The following PCDH15 variants were observed in gnomAD, a reference collection of about 807,000 sequenced individuals.
The protein encoded by PCDH15 is protocadherin-15.
In PCDH15, 129 loss-of-function variants were observed where a neutral mutation model predicts 178.5. The observed-to-expected ratio is 0.72, with a 90% CI of 0.63 to 0.84. PCDH15 has a LOEUF of 0.84. PCDH15 is among the 40% of genes least tolerant of loss of function. The probability of loss-of-function intolerance (pLI) is 0.00; values close to 1 mark genes in which losing one functional copy is unlikely to be tolerated. For synonymous variants in PCDH15, 800 were observed against 732.0 expected, an observed-to-expected ratio of 1.09 and a Z score of -1.50; for missense variants, 2,230 against 2,099.9, an observed-to-expected ratio of 1.06 and a Z score of -1.21.
At chr10:53,855,631 A>T (rs1261116533) in intron 28 of PCDH15, among the ~76,000 whole-genome samples, 1 of 151,932 alleles carries the variant, frequency 6.6e-6, no homozygotes, top group East Asian at 2.0e-4. Context: ...AATTACTAAA[A>T]GTTTAGTTAT....
chr10:55,466,120 G>A (rs1390011610), intron 2 of PCDH15, among the ~76,000 whole-genome samples: 1 of 152,082 alleles, frequency 6.6e-6, no homozygotes, highest in Non-Finnish European at 1.5e-5. Flanking sequence ...ACGAAAATAT[G>A]CACAGAGATT....
chr10:54,258,938 A>C (rs184946349), intron 8 of PCDH15, among the ~76,000 whole-genome samples: 1 of 152,306 alleles, frequency 6.6e-6, no homozygotes. Context: ...AAATGAATGC[A>C]TGCAGTTTTC....
rs181065855 is a variant in PCDH15 at position 54,202,727 on chromosome 10, G to A, written c.1099-6838C>T. ...CTCGGGAGGCTGAGGCAGAAGAATC[G>A]CTTGAACCCGGGAGGCAGAGGTTGC... On this transcript the variant is annotated intron_variant, in intron 10 of 37. Coordinates refer to ENST00000644397, the MANE Select transcript of PCDH15 (RefSeq NM_001384140.1). 6.1e-3 allele frequency among the ~76,000 whole-genome samples: 921 copies of A among 149,852 alleles called. 9 individuals carry two copies. The highest frequency in any genetic ancestry group is 0.018 in the African/African-American group (749 of 40,906).
At chr10:54,859,086 C>T (rs549158042) in intron 3 of PCDH15, among the ~76,000 whole-genome samples, 1 of 151,988 alleles carries the variant, frequency 6.6e-6, no homozygotes, top group Non-Finnish European at 1.5e-5. Context: ...TTTGTATTAT[C>T]TTCTTCTAGC....
chr10:54,739,494 C>A (rs1280677279), intron 1 of PCDH15, among the ~76,000 whole-genome samples: 1 of 151,304 alleles, frequency 6.6e-6, no homozygotes, highest in African/African-American at 2.4e-5. Flanking sequence ...AATGTTCATA[C>A]CAGCTAAAGT....
At chr10:53,865,638 G>A (rs901915524) in intron 27 of PCDH15, among the ~76,000 whole-genome samples, 1 of 152,090 alleles carries the variant, frequency 6.6e-6, no homozygotes, top group African/African-American at 2.4e-5. Flanking sequence ...GCTTAGAGTG[G>A]CCTTCATTTA....
Position 53,805,843 on chromosome 10 carries a change from C to A in PCDH15, c.*736G>T, listed in dbSNP as rs1264221209. 3 of 151,930 alleles carry A rather than the reference C, an allele frequency of 2.0e-5. No individual in the cohort carries two copies. Among genetic ancestry groups the A allele is most frequent in the Admixed American group, 2.0e-4 (3 of 15,220 alleles). The allele number at this position is 151,930 out of a possible 1,614,324, so 9.4% of individuals were successfully genotyped here. The stretch of plus-strand genomic sequence containing the variant: ...CATGTTGCTCCAAACAATTATTTAA[C>A]CTCAAGTGATTAAACTAAACTAAAG... On this transcript the variant is annotated 3_prime_UTR_variant, in exon 38 of 38. Transcript: ENST00000644397.
chr10:54,985,274 G>A lies in PCDH15; in HGVS notation c.-79-87774C>T, dbSNP rs74136310. The stretch of plus-strand genomic sequence containing the variant: ...CTTTTAAGAAATTGAAAAGAGATAT[G>A]GACTCTCAATAAAAAGGGATAGAAG... On this transcript the variant is annotated intron_variant, in intron 2 of 5. Transcript: ENST00000458638. Among the ~76,000 whole-genome samples, 461 of 151,998 alleles carry A rather than the reference G, an allele frequency of 3.0e-3. 3 individuals are homozygous for A. The highest frequency in any genetic ancestry group is 0.01 in the African/African-American group (435 of 41,470).
chr10:55,453,770 T>C (rs1839486792), intron 2 of PCDH15, among the ~76,000 whole-genome samples: 1 of 152,182 alleles, frequency 6.6e-6, no homozygotes, highest in African/African-American at 2.4e-5. Flanking sequence ...CTCTCCTACC[T>C]CTATACCTTA....
chr10:54,162,079 C>T (rs1450510515), intron 13 of PCDH15, among the ~76,000 whole-genome samples: 3 of 152,106 alleles, frequency 2.0e-5, no homozygotes, highest in African/African-American at 4.8e-5. Flanking sequence ...TCCACCCACA[C>T]ATCTGACCTT....
chr10:55,401,774 A>G (rs1320923335), intron 2 of PCDH15, among the ~76,000 whole-genome samples: 1 of 151,998 alleles, frequency 6.6e-6, no homozygotes, highest in Non-Finnish European at 1.5e-5. Flanking sequence ...TGCATTATAC[A>G]TTTAGACAAA....
intron 2 of PCDH15, among the ~76,000 whole-genome samples, chr10:55,068,477 G>A (rs1841624708): frequency 6.6e-6 from 1 of 152,046 alleles, no homozygotes; most frequent in Non-Finnish European, 1.5e-5. Flanking sequence ...TAAATGCCAT[G>A]CTCTTTTGTT....
chr10:54,941,845 A>G (rs546126421), intron 2 of PCDH15, among the ~76,000 whole-genome samples: 4 of 152,092 alleles, frequency 2.6e-5, no homozygotes, highest in Admixed American at 2.6e-4. Context: ...TCTAATATTG[A>G]TCTTCAAATG....
At position 53,857,262 on chromosome 10, in the gene PCDH15, A is replaced by T. The variant is rs397517458; in HGVS notation, c.3719T>A (p.Val1240Asp). 6.2e-7 allele frequency: 1 copy of T among 1,608,928 alleles called. No individual in the cohort carries two copies. Among genetic ancestry groups the T allele is most frequent in the African/African-American group, 1.3e-5 (1 of 74,736 alleles). ...KGLSGKADVL[V>D]SVVNQLDMQV... ...CATATCCAGCTGATTGACCACGGAG[A>T]CCTGAAAGAAGAAAAAACAGAATTC... is the stretch of plus-strand genomic sequence containing the variant. The change falls in exon 28 of 38, where the codon GTC becomes GAC. Residue 1240 changes from valine to aspartate, a missense_variant and splice_region_variant. Val to Asp is a radical substitution (Grantham distance 152). Coordinates refer to ENST00000644397, the MANE Select transcript of PCDH15 (RefSeq NM_001384140.1).
intron 2 of PCDH15, among the ~76,000 whole-genome samples, chr10:55,411,246 G>A (rs1838323473): frequency 6.6e-6 from 1 of 151,946 alleles, no homozygotes; most frequent in South Asian, 2.1e-4. Context: ...ACTGTGCCCA[G>A]TGCTGCTAGA....
intron 3 of PCDH15, among the ~76,000 whole-genome samples, chr10:54,382,743 G>A (rs2135131917): frequency 1.3e-5 from 2 of 152,214 alleles, no homozygotes; most frequent in Admixed American, 1.3e-4. Flanking sequence ...TGGTAGCCCT[G>A]ACAATTCCTT....
intron 32 of PCDH15, 140 bp from the exon 33 acceptor site, chr10:53,820,370 T>C (rs1283774718): frequency 2.6e-6 from 1 of 389,938 alleles, no homozygotes; most frequent in Non-Finnish European, 4.5e-6. Context: ...TTCTGTCTGA[T>C]CTTGGTAACT....
chr10:55,616,937 A>C (rs1233762674), intron 2 of PCDH15, among the ~76,000 whole-genome samples: 1 of 152,110 alleles, frequency 6.6e-6, no homozygotes, highest in Non-Finnish European at 1.5e-5. Context: ...TGTTACATGT[A>C]TTATAATGTA....
chr10:54,622,735 AT>A (rs1227020582), intron 2 of PCDH15, among the ~76,000 whole-genome samples: 1 of 22,710 alleles, frequency 4.4e-5, no homozygotes, highest in African/African-American at 1.5e-4. Context: ...TTATATAATT[AT>A]ATATATATTA....
Sources: gnomAD v4.1 joint callset for allele counts (sites outside exome capture counted in the v4.1 genomes callset) on GRCh38, gnomAD v4.1.1 for gene constraint, MANE v1.5 for transcripts, NCBI Gene and HGNC (gene_info 2026-07-23, HGNC 2026-07-21) for gene names.